Variants in FLT4 observed in about 807,000 individuals in gnomAD.
FLT4 encodes fms related receptor tyrosine kinase 4.
In FLT4, 30 loss-of-function variants were observed where a neutral mutation model predicts 163.2. The ratio of observed to expected loss-of-function variants is 0.18; its 90% confidence interval spans 0.14 to 0.25. The LOEUF (loss-of-function observed/expected upper bound fraction) is 0.25, where lower values mean the gene tolerates loss of function less well. Among genes scored for constraint, FLT4 ranks in the 10% least tolerant of loss-of-function variants. The probability of loss-of-function intolerance (pLI) is 1.00; values close to 1 mark genes in which losing one functional copy is unlikely to be tolerated. For missense variants in FLT4, 1,510 were observed against 1,863.8 expected (o/e 0.81, Z 3.50); for synonymous variants, 884 against 789.5 (o/e 1.12, Z -2.01).
chr5:180,623,924 C>T lies in FLT4; in HGVS notation c.1548+11G>A, dbSNP rs1434591991. The T allele has an allele frequency of 3.1e-6, 5 of 1,613,482 alleles. No individual in the cohort carries two copies. Among genetic ancestry groups the T allele is most frequent in the Non-Finnish European group, 3.4e-6 (4 of 1,179,952 alleles). ...TCTCCCTGGGCACTCAGCAGCGCGG[C>T]TGGCCTGTACCTTATTCTTTCCCTC... is the stretch of plus-strand genomic sequence containing the variant. On this transcript the variant is annotated intron_variant, in intron 11 of 29. Transcript: ENST00000261937. The surrounding 1 kb of genome is among the most constrained non-coding windows in gnomAD (Gnocchi z 5.8).
At chr5:180,634,174 T>A (rs1764378048) in intron 1 of FLT4, among the ~76,000 whole-genome samples, 1 of 152,178 alleles carries the variant, frequency 6.6e-6, no homozygotes, top group African/African-American at 2.4e-5. Flanking sequence ...CTTGTCCTTT[T>A]TCCTGGGACA....
intron 23 of FLT4, among the ~76,000 whole-genome samples, chr5:180,615,328 C>T (rs113554594): frequency 1.1e-3 from 124 of 112,102 alleles, no homozygotes; most frequent in Admixed American, 1.7e-3. Context: ...CACTTCCTTT[C>T]GGAGCACTGG....
chr5:180,643,244 C>T (rs1765257861), intron 1 of FLT4, among the ~76,000 whole-genome samples: 1 of 152,244 alleles, frequency 6.6e-6, no homozygotes, highest in South Asian at 2.1e-4. Context: ...GCCAATCGGT[C>T]ACCAAGTGCC....
chr5:180,637,352 G>C (rs1412786301), intron 1 of FLT4, among the ~76,000 whole-genome samples: 1 of 147,414 alleles, frequency 6.8e-6, no homozygotes, highest in Non-Finnish European at 1.5e-5. Flanking sequence ...AAAAAGAAAA[G>C]AAAAAAGAAA....
intron 1 of FLT4, among the ~76,000 whole-genome samples, chr5:180,639,375 ATGGG>A (rs779134590): frequency 0.019 from 1,741 of 90,752 alleles, 46 homozygotes; most frequent in South Asian, 0.041. Context: ...AGATGAGTGG[ATGGG>A]TGGATGGATG....
chr5:180,614,526 A>G (rs1762482236), intron 23 of FLT4, among the ~76,000 whole-genome samples: 1 of 151,332 alleles, frequency 6.6e-6, no homozygotes, highest in South Asian at 2.1e-4. Context: ...ACCCCTGCAC[A>G]CTCTCACCAT....
At chr5:180,650,116 A>G (rs1318991124), upstream of FLT4, among the ~76,000 whole-genome samples, 1 of 143,602 alleles carries the variant, frequency 7.0e-6, no homozygotes, top group Non-Finnish European at 1.5e-5. Flanking sequence ...TGAACCCGGG[A>G]GAAGGAGGTT....
chr5:180,616,543 A>G, intron 22 of FLT4, 54 bp from the exon 23 acceptor site: 1 of 1,603,900 alleles, frequency 6.2e-7, no homozygotes, highest in Non-Finnish European at 8.5e-7. Flanking sequence ...CTGGGGTAAT[A>G]CCCACACCCG....
At chr5:180,615,315 C>CTCCACTTCCGAAA (rs1762571590) in intron 23 of FLT4, among the ~76,000 whole-genome samples, 1 of 100,746 alleles carries the variant, frequency 9.9e-6, no homozygotes, top group South Asian at 3.7e-4. Context: ...CACCTCCCTT[C>CTCCACTTCCGAAA]TCCACTTCCT....
intron 1 of FLT4, among the ~76,000 whole-genome samples, chr5:180,633,903 C>T (rs547992421): frequency 1.4e-4 from 21 of 152,278 alleles, no homozygotes; most frequent in East Asian, 1.2e-3. Context: ...GAGAACATCC[C>T]GCCACCCCTA....
In FLT4 at chr5:180,607,652, T is replaced by A. The variant is rs1395755909; in HGVS notation, c.3893+1316A>T. On this transcript the variant is annotated intron_variant, in intron 29 of 29. Transcript: ENST00000261937. ...CGAGACTGTCTCAAAAAAAAAAAAA[T>A]ACATACATACATATATATATATAAA... 6.4e-3 allele frequency among the ~76,000 whole-genome samples: 758 copies of A among 119,180 alleles called. 5 individuals are homozygous for A. The highest frequency in any genetic ancestry group is 0.01 in the Non-Finnish European group (545 of 53,266). The allele number at this position is 119,180 out of a possible 152,430, so 78.2% of individuals were successfully genotyped here.
rs1762047066 is a variant in FLT4 at position 180,610,010 on chromosome 5, C to T, written c.3702G>A (p.Val1234=). ...HSLAARYYNW[V]SFPGCLARGA... ...CTCTGGCCAGGCACCCGGGAAAGGACACCCAGTTGTAATACCTGTGGGGAG... is the reference window on the plus strand; with the variant it reads ...CTCTGGCCAGGCACCCGGGAAAGGATACCCAGTTGTAATACCTGTGGGGAG... Residue 1234 remains valine, a synonymous_variant, in exon 28 of 30, where the codon GTG becomes GTA. Transcript: ENST00000261937. 6.2e-7 allele frequency: 1 copy of T among 1,614,190 alleles called. No homozygotes were observed.
At position 180,626,227 on chromosome 5, in the gene FLT4, G is replaced by T. The variant is rs376366358; in HGVS notation, c.1142C>A (p.Pro381Gln). ...CACCTCCTTGAGCACCAGGGCATGT[G>T]GACTGTGGCGCCCGGACAGTGCCTT... The part of the protein sequence containing the change: ...DGKALSGRHS[P>Q]HALVLKEVTE... The change falls in exon 9 of 30, where the codon CCA (proline) becomes CAA (glutamine). Residue 381 changes from proline to glutamine, a missense_variant. By Grantham distance (76) the Pro-to-Gln change is moderately conservative (BLOSUM62 -1). Coordinates refer to ENST00000261937, the MANE Select transcript of FLT4 (RefSeq NM_182925.5). The T allele has an allele frequency of 6.2e-7, 1 of 1,612,658 alleles. No homozygotes were observed.
chr5:180,610,142 A>G, intron 27 of FLT4, 117 bp from the exon 28 acceptor site: 1 of 1,466,924 alleles, frequency 6.8e-7, no homozygotes, highest in Admixed American at 1.7e-5. Flanking sequence ...CTGGGGCAGG[A>G]GTATGGATGG....
intron 23 of FLT4, among the ~76,000 whole-genome samples, chr5:180,615,134 C>T (rs182248340): frequency 5.9e-5 from 9 of 152,260 alleles, no homozygotes; most frequent in Admixed American, 3.3e-4. Context: ...AAGCTCCAAT[C>T]GGAGCACTGC....
At chr5:180,605,323 C>T (rs915311805) in intron 29 of FLT4, among the ~76,000 whole-genome samples, 3 of 152,166 alleles carry the variant, frequency 2.0e-5, no homozygotes, top group Non-Finnish European at 4.4e-5. Context: ...TGTATCATCA[C>T]ATTGTCCGTC....
chr5:180,619,892 G>A (rs2127809941), intron 17 of FLT4, 123 bp from the exon 18 acceptor site: 2 of 747,654 alleles, frequency 2.7e-6, no homozygotes, highest in Non-Finnish European at 4.5e-6. Context: ...GGAGCGTGGG[G>A]AGCCACAGCG....
At chr5:180,621,444 T>C in intron 13 of FLT4, 98 bp downstream of exon 13, 1 of 1,534,450 alleles carries the variant, frequency 6.5e-7, no homozygotes, top group Non-Finnish European at 8.8e-7. Context: ...GCCAGGGCTG[T>C]GAATAGACCT....
chr5:180,615,024 C>T (rs1391055577), intron 23 of FLT4, among the ~76,000 whole-genome samples: 1 of 152,222 alleles, frequency 6.6e-6, no homozygotes, highest in Non-Finnish European at 1.5e-5. Flanking sequence ...ACAGACACCA[C>T]AGAATGCTTT....
Sources: allele counts gnomAD v4.1 joint callset (sites outside exome capture counted in the v4.1 genomes callset), GRCh38; gene constraint gnomAD v4.1.1; non-coding constraint Gnocchi (gnomAD v3.1); transcripts MANE v1.5; gene names NCBI Gene and HGNC (gene_info 2026-07-23, HGNC 2026-07-21).